WWOX: variants seen among roughly 807,000 people sequenced by gnomAD.
The protein encoded by WWOX is WW domain-containing oxidoreductase.
In WWOX, 69 loss-of-function variants were observed where a neutral mutation model predicts 46.2. The observed-to-expected ratio is 1.49, with a 90% CI of 1.23 to 1.82. The LOEUF (loss-of-function observed/expected upper bound fraction) is 1.82, where lower values mean the gene tolerates loss of function less well. WWOX is among the 40% of genes most tolerant of loss of function. WWOX has a pLI of 0.00. For missense variants in WWOX, 919 were observed against 542.6 expected (o/e 1.69, Z -6.89); for synonymous variants, 359 against 202.6 (o/e 1.77, Z -6.56).
chr16:78,659,581 C>T (rs548582844), intron 8 of WWOX, among the ~76,000 whole-genome samples: 2 of 152,138 alleles, frequency 1.3e-5, no homozygotes, highest in African/African-American at 2.4e-5. Context: ...AATCAATTAT[C>T]AAATGTTTCC....
intron 5 of WWOX, among the ~76,000 whole-genome samples, chr16:78,260,072 G>A (rs1001138814): frequency 5.3e-5 from 8 of 151,150 alleles, no homozygotes; most frequent in East Asian, 3.9e-4. Flanking sequence ...ACACAGGAGC[G>A]TTTCTGCTGG....
At chr16:79,130,134 A>G (rs1036690056) in intron 8 of WWOX, among the ~76,000 whole-genome samples, 4 of 152,096 alleles carry the variant, frequency 2.6e-5, no homozygotes, top group Admixed American at 6.5e-5. Context: ...ATAGAAAGGG[A>G]ATTTGCCCAA....
At chr16:79,069,466 C>G (rs529194354) in intron 8 of WWOX, among the ~76,000 whole-genome samples, 1 of 151,896 alleles carries the variant, frequency 6.6e-6, no homozygotes, top group Non-Finnish European at 1.5e-5. Context: ...TTACTGTAGT[C>G]ATTTACGTAA....
At chr16:78,433,906 C>T (rs908734798) in intron 8 of WWOX, among the ~76,000 whole-genome samples, 15 of 150,120 alleles carry the variant, frequency 1.0e-4, no homozygotes, top group African/African-American at 3.4e-4. Context: ...TCTCCTGCCT[C>T]AGCCTCCCAA....
At chr16:78,575,677 T>C (rs2044860776) in intron 8 of WWOX, among the ~76,000 whole-genome samples, 1 of 152,208 alleles carries the variant, frequency 6.6e-6, no homozygotes, top group African/African-American at 2.4e-5. Flanking sequence ...GCCTGAATAA[T>C]GGATGACACC....
intron 8 of WWOX, among the ~76,000 whole-genome samples, chr16:78,546,355 G>A (rs2044031230): frequency 6.6e-6 from 1 of 152,108 alleles, no homozygotes; most frequent in Non-Finnish European, 1.5e-5. Context: ...AGAACTTTAA[G>A]GCCCGGTTCT....
intron 1 of WWOX, among the ~76,000 whole-genome samples, chr16:78,105,120 G>A (rs1053376020): frequency 5.3e-5 from 8 of 152,192 alleles, no homozygotes; most frequent in African/African-American, 1.9e-4. Context: ...CTGGGGTATT[G>A]GCATCTGATG....
chr16:78,593,736 AAGAG>A (rs10596104), intron 8 of WWOX, among the ~76,000 whole-genome samples: 70 of 145,170 alleles, frequency 4.8e-4, no homozygotes, highest in African/African-American at 1.6e-3. Context: ...TAAAAAAAAA[AAGAG>A]AGAGAGAGAG....
chr16:78,288,104 C>G (rs1356886617), intron 5 of WWOX, among the ~76,000 whole-genome samples: 2 of 151,782 alleles, frequency 1.3e-5, no homozygotes, highest in East Asian at 3.9e-4. Context: ...TTTTTAATGC[C>G]TGCTACCTTC....
chr16:78,693,017 C>A (rs970698307), intron 8 of WWOX, among the ~76,000 whole-genome samples: 1 of 152,142 alleles, frequency 6.6e-6, no homozygotes, highest in East Asian at 1.9e-4. Flanking sequence ...GTTTGAAAGC[C>A]CAACCATATG....
intron 8 of WWOX, chr16:78,506,695 G>GTTTTTTTT (rs1159884484): frequency 2.1e-3 from 18 of 8,630 alleles, no homozygotes; most frequent in East Asian, 6.7e-3. Flanking sequence ...CTTTTTGTGT[G>GTTTTTTTT]TTTTTTTTTT....
intron 8 of WWOX, among the ~76,000 whole-genome samples, chr16:78,854,947 G>C (rs998792494): frequency 1.4e-5 from 2 of 146,632 alleles, no homozygotes; most frequent in Non-Finnish European, 3.0e-5. Flanking sequence ...AATGGGTTAT[G>C]TGTTTTATTT....
rs148333228 is a variant in WWOX at position 79,119,219 on chromosome 16, T to C, written c.1057-92389T>C. On this transcript the variant is annotated intron_variant, in intron 8 of 8. Transcript: ENST00000566780. ...AAAAAAAAAATCATTACTAATATGA[T>C]AAACAAACAAATGGTGTGTTATTGT... Among the ~76,000 whole-genome samples the C allele has an allele frequency of 7.2e-3, 1,088 of 152,100 alleles. 18 individuals are homozygous for C. The highest frequency in any genetic ancestry group is 0.025 in the African/African-American group (1,039 of 41,458).
chr16:78,336,098 C>G (rs574498548), intron 5 of WWOX, among the ~76,000 whole-genome samples: 1 of 150,896 alleles, frequency 6.6e-6, no homozygotes, highest in East Asian at 2.0e-4. Context: ...TCTCAAAAAA[C>G]GAAAAACAAA....
At chr16:78,361,681 G>A (rs181822468) in intron 5 of WWOX, among the ~76,000 whole-genome samples, 1 of 151,882 alleles carries the variant, frequency 6.6e-6, no homozygotes, top group African/African-American at 2.4e-5. Context: ...GTGCGATATC[G>A]GCTCCCTGCA....
At chr16:78,220,798 G>A (rs759615719) in intron 5 of WWOX, among the ~76,000 whole-genome samples, 5 of 152,188 alleles carry the variant, frequency 3.3e-5, no homozygotes, top group Middle Eastern at 3.4e-3. Flanking sequence ...CATAGTTAGC[G>A]GCTAGGGAAG....
At position 78,347,607 on chromosome 16, in the gene WWOX, A is replaced by G. The variant is rs982847192; in HGVS notation, c.517-39253A>G. ...GGAGATACTTGATAAATATTCGTCT[A>G]ATAAATAAATGAACTTGTGTTCTCC... On this transcript the variant is annotated intron_variant, in intron 5 of 8. Coordinates refer to ENST00000566780, the MANE Select transcript of WWOX (RefSeq NM_016373.4). Among the ~76,000 whole-genome samples the G allele has an allele frequency of 2.5e-5, 3 of 121,072 alleles. 1 individual carries two copies. The highest frequency in any genetic ancestry group is 8.4e-5 in the African/African-American group (3 of 35,718). 79.4% of individuals were successfully genotyped at this position (121,072 alleles called of 152,430 possible).
chr16:78,773,440 G>C (rs549835664), intron 8 of WWOX, among the ~76,000 whole-genome samples: 2 of 152,148 alleles, frequency 1.3e-5, no homozygotes, highest in Admixed American at 6.5e-5. Flanking sequence ...GGCTCCCCTC[G>C]GGACATTCCT....
At chr16:78,404,200 T>C (rs181223607) in intron 6 of WWOX, among the ~76,000 whole-genome samples, 8 of 152,098 alleles carry the variant, frequency 5.3e-5, no homozygotes, top group African/African-American at 1.4e-4. Context: ...AAAGTACTGA[T>C]TGTATGCAGT....
Sources: gnomAD v4.1 joint callset for allele counts (sites outside exome capture counted in the v4.1 genomes callset) on GRCh38, gnomAD v4.1.1 for gene constraint, MANE v1.5 for transcripts, NCBI Gene and HGNC (gene_info 2026-07-23, HGNC 2026-07-21) for gene names.